HMSD: variants seen among roughly 807,000 people sequenced by gnomAD.
HMSD encodes histocompatibility minor serpin domain containing.
Under a neutral mutation model 10.0 loss-of-function variants are expected in HMSD, and 13 were observed. The ratio of observed to expected loss-of-function variants is 1.31; its 90% CI spans 0.85 to 2.08. The LOEUF (loss-of-function observed/expected upper bound fraction) is 2.08, where lower values mean the gene tolerates loss of function less well. Among genes scored for constraint, HMSD ranks in the 30% most tolerant of loss-of-function variants. The pLI, the probability that HMSD is intolerant of heterozygous loss-of-function variation, is 0.00. For synonymous variants in HMSD, 51 were observed against 54.2 expected, an observed-to-expected ratio of 0.94 and a Z score of 0.26; for missense variants, 169 against 166.3, an observed-to-expected ratio of 1.02 and a Z score of -0.09.
chr18:63,953,519 A>T lies in HMSD; in HGVS notation c.64A>T (p.Met22Leu). 1 of 1,613,668 alleles carries T rather than the reference A, an allele frequency of 6.2e-7. No homozygotes were observed. Among genetic ancestry groups the T allele is most frequent in the Non-Finnish European group, 8.5e-7 (1 of 1,179,608 alleles). ...MGAKGNTAAQMSQALCFSKIG... is the reference protein window; with the variant it reads ...MGAKGNTAAQLSQALCFSKIG... ...GGCAAAGGGAAACACTGCAGCTCAGATGTCTCAGGTACGTAAAGCCACTTC... is the reference window on the plus strand; with the variant it reads ...GGCAAAGGGAAACACTGCAGCTCAGTTGTCTCAGGTACGTAAAGCCACTTC... Residue 22 changes from methionine (M) to leucine (L), a missense_variant, in exon 2 of 4, where the codon ATG becomes TTG. Coordinates refer to ENST00000408945, the MANE Select transcript of HMSD (RefSeq NM_001123366.2).
At chr18:63,967,496 A>C (rs1320940966) in intron 3 of HMSD, among the ~76,000 whole-genome samples, 2 of 152,162 alleles carry the variant, frequency 1.3e-5, no homozygotes, top group African/African-American at 4.8e-5. Context: ...GAGACCTCGA[A>C]TCACCCCAGG....
intron 3 of HMSD, among the ~76,000 whole-genome samples, chr18:63,958,069 T>C (rs927502082): frequency 1.3e-5 from 2 of 152,160 alleles, no homozygotes; most frequent in Admixed American, 6.5e-5. Context: ...ATTTAAATAA[T>C]TTCCAAACCA....
At chr18:63,965,651 A>G (rs892246911), downstream of HMSD, among the ~76,000 whole-genome samples, 1 of 152,158 alleles carries the variant, frequency 6.6e-6, no homozygotes, top group South Asian at 2.1e-4. Flanking sequence ...GCTCTACAAC[A>G]TGTATGTTTC....
chr18:63,954,612 G>A, intron 3 of HMSD, 55 bp downstream of exon 3: 1 of 1,492,064 alleles, frequency 6.7e-7, no homozygotes, highest in South Asian at 1.2e-5. Context: ...TGGGAAGTAG[G>A]AGAATGAATA....
chr18:63,963,053 T>G (rs186300922), downstream of HMSD, among the ~76,000 whole-genome samples: 4,731 of 131,330 alleles, frequency 0.036, 163 homozygotes, highest in Non-Finnish European at 0.05. Flanking sequence ...TAGTTTTCTT[T>G]CTTTCTTTCT....
At chr18:63,958,103 A>G (rs1445045430) in intron 3 of HMSD, among the ~76,000 whole-genome samples, 1 of 152,180 alleles carries the variant, frequency 6.6e-6, no homozygotes, top group Non-Finnish European at 1.5e-5. Flanking sequence ...AGAGGCAGCA[A>G]TTTTGGAAAA....
At chr18:63,968,037 AT>A (rs1457523585) in intron 3 of HMSD, 2 of 152,172 alleles carry the variant, frequency 1.3e-5, no homozygotes, top group Non-Finnish European at 2.9e-5. Flanking sequence ...CAAAAATTAG[AT>A]TTGTTCATTC....
intron 1 of HMSD, among the ~76,000 whole-genome samples, chr18:63,950,535 T>C (rs1302951105): frequency 6.6e-6 from 1 of 150,440 alleles, no homozygotes; most frequent in Non-Finnish European, 1.5e-5. Flanking sequence ...TGTGTAGGAA[T>C]AGTGACTATA....
rs2050340989 is a variant in HMSD, at chr18:63,953,404, A to G, written c.-52A>G. ...GAAGCAAATGGCACATTTGCATTAA[A>G]CCTTTTGAAAAAGCTAGGGGAAAAC... On this transcript the variant is annotated 5_prime_UTR_variant, in exon 2 of 4. Transcript: ENST00000408945. The G allele has an allele frequency of 6.9e-7, 1 of 1,441,560 alleles. No homozygotes were observed. The highest frequency in any genetic ancestry group is 1.2e-5 in the South Asian group (1 of 85,442). The allele number at this position is 1,441,560 out of a possible 1,614,324, so 89.3% of individuals were successfully genotyped here.
At chr18:63,958,197 G>A (rs373070302) in intron 3 of HMSD, among the ~76,000 whole-genome samples, 1 of 152,148 alleles carries the variant, frequency 6.6e-6, no homozygotes, top group South Asian at 2.1e-4. Context: ...TACATGAAAA[G>A]GTGATATTTC....
chr18:63,950,145 G>A (rs779950409), intron 1 of HMSD, among the ~76,000 whole-genome samples: 32 of 152,178 alleles, frequency 2.1e-4, no homozygotes, highest in Middle Eastern at 3.4e-3. Context: ...GGCCAGGCGC[G>A]GTGGCTCACG....
chr18:63,960,036 T>C, intron 3 of HMSD, 122 bp from the exon 4 acceptor site: 1 of 1,044,240 alleles, frequency 9.6e-7, no homozygotes, highest in Admixed American at 2.8e-5. Context: ...CTCATCTTTA[T>C]TTGCAAATTA....
downstream of HMSD, among the ~76,000 whole-genome samples, chr18:63,963,077 CTTTCTTTCTT>C (rs1455294275): frequency 7.3e-4 from 23 of 31,724 alleles, no homozygotes; most frequent in Middle Eastern, 0.018. Context: ...CTTTCTCTTT[CTTTCTTTCTT>C]TCTTTCTTTC....
chr18:63,954,735 G>A (rs951439547), intron 3 of HMSD, among the ~76,000 whole-genome samples, 178 bp downstream of exon 3: 6 of 152,144 alleles, frequency 3.9e-5, no homozygotes, highest in African/African-American at 9.7e-5. Context: ...AGCAAATACC[G>A]TTCAGAATTT....
intron 3 of HMSD, among the ~76,000 whole-genome samples, chr18:63,954,828 A>G (rs1416059052): frequency 6.6e-6 from 1 of 152,236 alleles, no homozygotes; most frequent in Non-Finnish European, 1.5e-5. Flanking sequence ...CAAAACAAAG[A>G]TGTGGTGAAA....
At chr18:63,950,679 A>T (rs1327882811) in intron 1 of HMSD, among the ~76,000 whole-genome samples, 1 of 150,620 alleles carries the variant, frequency 6.6e-6, no homozygotes, top group East Asian at 1.9e-4. Context: ...AACCTCAAAT[A>T]GTATTTCATT....
chr18:63,949,777 G>A (rs996981003), intron 1 of HMSD, among the ~76,000 whole-genome samples: 3 of 152,186 alleles, frequency 2.0e-5, no homozygotes, highest in Admixed American at 6.5e-5. Flanking sequence ...GGGGCTGTGA[G>A]GCCTGGGACC....
chr18:63,963,126 TTTCTTTC>T (rs1568261423), downstream of HMSD, among the ~76,000 whole-genome samples: 170 of 131,034 alleles, frequency 1.3e-3, 2 homozygotes, highest in Middle Eastern at 3.7e-3. Context: ...TCTTTCTTTC[TTTCTTTC>T]CTTTCTTTCT....
At chr18:63,968,416 T>C (rs948215962) in intron 3 of HMSD, 4 of 152,232 alleles carry the variant, frequency 2.6e-5, no homozygotes, top group Admixed American at 6.5e-5. Context: ...CATCAGACGT[T>C]GTCTTGCAGT....
Sources: gnomAD v4.1 joint callset for allele counts (sites outside exome capture counted in the v4.1 genomes callset) on GRCh38, gnomAD v4.1.1 for gene constraint, MANE v1.5 for transcripts, NCBI Gene and HGNC (gene_info 2026-07-23, HGNC 2026-07-21) for gene names.